The following CFAP100 variants were observed in gnomAD, a reference collection of about 807,000 sequenced individuals.
The protein encoded by CFAP100 is cilia- and flagella-associated protein 100.
Under a neutral mutation model 81.5 loss-of-function variants are expected in CFAP100, and 70 were observed. That is an observed-to-expected ratio of 0.86 (90% CI 0.71 to 1.05). CFAP100 has a LOEUF of 1.05. CFAP100 is among the 50% of genes least tolerant of loss of function. CFAP100 has a pLI of 0.00. For synonymous variants in CFAP100, 341 were observed against 314.8 expected, an observed-to-expected ratio of 1.08 and a Z score of -0.88; for missense variants, 811 against 776.5, an observed-to-expected ratio of 1.04 and a Z score of -0.53.
intron 14 of CFAP100, chr3:126,433,583 CCAGA>C (rs1459214862): frequency 9.1e-6 from 2 of 219,904 alleles, no homozygotes; most frequent in African/African-American, 4.6e-5. Flanking sequence ...AAGCCAGGAC[CCAGA>C]CAAAGGCTCA....
At chr3:126,416,574 C>G (rs1364202855) in intron 5 of CFAP100, 66 bp downstream of exon 5, 1 of 1,311,028 alleles carries the variant, frequency 7.6e-7, no homozygotes, top group Admixed American at 2.7e-5. Flanking sequence ...TCAGGGGGCG[C>G]GCCTGGAACC....
At chr3:126,419,002 G>A (rs1382439223) in intron 7 of CFAP100, 74 bp from the exon 8 acceptor site, 12 of 1,028,198 alleles carry the variant, frequency 1.2e-5, no homozygotes, top group East Asian at 5.2e-5. Context: ...TGTGGGTGGT[G>A]TGCTCACCCC....
rs1432911847 is a variant in CFAP100 at position 126,416,396 on chromosome 3, G to A, written c.306G>A (p.Leu102=). The change falls in exon 5 of 17, where the codon CTG becomes CTA. Residue 102 remains leucine, a synonymous_variant. Coordinates refer to ENST00000352312, the MANE Select transcript of CFAP100 (RefSeq NM_182628.3). The stretch of plus-strand genomic sequence containing the variant: ...AAGTGTCGGCTAAGCACACCAGCCT[G>A]CGGCGGCAGCTGCAGCTGGAGGACA... The part of the protein sequence containing the change: ...SSKVSAKHTS[L]RRQLQLEDKQ... 1 of 1,612,260 alleles carries A rather than the reference G, an allele frequency of 6.2e-7. No homozygotes were observed. The highest frequency in any genetic ancestry group is 8.5e-7 in the Non-Finnish European group (1 of 1,179,566).
At chr3:126,429,665 T>C (rs1576646866) in intron 13 of CFAP100, among the ~76,000 whole-genome samples, 2 of 152,152 alleles carry the variant, frequency 1.3e-5, no homozygotes, top group Admixed American at 1.3e-4. Context: ...TTGAGCATCT[T>C]ATAATAGTCT....
intron 2 of CFAP100, chr3:126,396,684 G>A (rs1456680290): frequency 1.3e-5 from 2 of 152,352 alleles, no homozygotes; most frequent in Non-Finnish European, 2.9e-5. Flanking sequence ...GTGAAGGTGA[G>A]CTTCTCTCAG....
chr3:126,406,374 T>A (rs1299238557), intron 2 of CFAP100, among the ~76,000 whole-genome samples: 3 of 151,896 alleles, frequency 2.0e-5, no homozygotes, highest in Admixed American at 6.6e-5. Flanking sequence ...ACACAGTCCC[T>A]CCCCCATCCC....
rs537887532 is a variant in CFAP100, at chr3:126,406,365, C to T, written c.50-807C>T. ...CGCTCAGTGTTTCACTCCGGGACCA[C>T]ACAGTCCCTCCCCCATCCCGCCCCA... On this transcript the variant is annotated intron_variant, in intron 2 of 16. Coordinates refer to ENST00000352312, the MANE Select transcript of CFAP100 (RefSeq NM_182628.3). Among the ~76,000 whole-genome samples the T allele has an allele frequency of 1.4e-4, 21 of 152,342 alleles. No individual in the cohort carries two copies. The South Asian group carries it at 3.3e-3, about 24-fold the overall frequency.
chr3:126,414,960 G>A (rs2083211375), intron 4 of CFAP100, among the ~76,000 whole-genome samples: 1 of 152,200 alleles, frequency 6.6e-6, no homozygotes, highest in African/African-American at 2.4e-5. Flanking sequence ...TGTAGGGCAT[G>A]GGTGGAGATG....
At chr3:126,408,242 T>C (rs922568259) in intron 3 of CFAP100, among the ~76,000 whole-genome samples, 1 of 152,134 alleles carries the variant, frequency 6.6e-6, no homozygotes, top group African/African-American at 2.4e-5. Context: ...TGTCATTTCA[T>C]CCACTTCAGC....
At chr3:126,397,590 G>A (rs533518064) in intron 2 of CFAP100, among the ~76,000 whole-genome samples, 3 of 152,312 alleles carry the variant, frequency 2.0e-5, no homozygotes, top group South Asian at 2.1e-4. Context: ...GTAATTCCTC[G>A]AGATTGATTG....
At chr3:126,396,398 T>C in intron 2 of CFAP100, 1 of 249,182 alleles carries the variant, frequency 4.0e-6, no homozygotes, top group Non-Finnish European at 7.7e-6. Context: ...TGGTGCTCTT[T>C]GGCTTGTAGA....
chr3:126,409,443 G>T (rs2083120726), intron 3 of CFAP100, among the ~76,000 whole-genome samples: 2 of 152,192 alleles, frequency 1.3e-5, no homozygotes, highest in African/African-American at 4.8e-5. Flanking sequence ...TCACTTTGGG[G>T]ACATAAGCAC....
chr3:126,406,541 G>C (rs1173954107), intron 2 of CFAP100, among the ~76,000 whole-genome samples: 1 of 152,228 alleles, frequency 6.6e-6, no homozygotes, highest in Non-Finnish European at 1.5e-5. Flanking sequence ...GTGGGTATCA[G>C]CACAGCAAGG....
At position 126,429,455 on chromosome 3, in the gene CFAP100, T is replaced by C. The variant is rs75244183; in HGVS notation, c.1287-3614T>C. Among the ~76,000 whole-genome samples, 991 of 152,288 alleles carry C rather than the reference T, an allele frequency of 6.5e-3. 11 individuals are homozygous for C. Among genetic ancestry groups the C allele is most frequent in the African/African-American group, 0.022 (921 of 41,554 alleles). On this transcript the variant is annotated intron_variant, in intron 13 of 16. Coordinates refer to ENST00000352312, the MANE Select transcript of CFAP100 (RefSeq NM_182628.3). ...TCTTGTGACAGTTTTTGACTTAAAGTCTATTTTGTCTATATTACTGCTGCC... is the reference window on the plus strand; with the variant it reads ...TCTTGTGACAGTTTTTGACTTAAAGCCTATTTTGTCTATATTACTGCTGCC...
Position 126,434,255 on chromosome 3 carries a change from T to C in CFAP100, c.1502T>C (p.Leu501Pro). 1 of 1,614,006 alleles carries C rather than the reference T, an allele frequency of 6.2e-7. No individual in the cohort carries two copies. The highest frequency in any genetic ancestry group is 8.5e-7 in the Non-Finnish European group (1 of 1,180,024). Residue 501 changes from leucine to proline, a missense_variant, in exon 15 of 17, where the codon CTG becomes CCG. Transcript: ENST00000352312. ...ACCGGCACCCAGCAGGAGGCCAACC[T>C]GGGCACCGTGCAGATGCTGACCATC... ...HCTGTQQEANLGTVQMLTIIE... is the reference protein window; with the variant it reads ...HCTGTQQEANPGTVQMLTIIE...
At chr3:126,395,670 C>A (rs1455988761) in intron 1 of CFAP100, among the ~76,000 whole-genome samples, 1 of 152,074 alleles carries the variant, frequency 6.6e-6, no homozygotes, top group Admixed American at 6.6e-5. Flanking sequence ...GCCCAGCACC[C>A]CCAGCTGGGT....
At chr3:126,413,722 C>A (rs1245579293) in intron 3 of CFAP100, among the ~76,000 whole-genome samples, 5 of 152,214 alleles carry the variant, frequency 3.3e-5, no homozygotes, top group Non-Finnish European at 5.9e-5. Flanking sequence ...TGTCAGCAGA[C>A]CCTGGTCACC....
In CFAP100 at chr3:126,410,198, C is replaced by T. The variant is rs555028033; in HGVS notation, c.130+2946C>T. Among the ~76,000 whole-genome samples the T allele has an allele frequency of 1.8e-4, 27 of 151,806 alleles. 1 individual carries two copies. In the South Asian group the frequency reaches 5.2e-3, roughly 29 times the overall value. ...TCTGGGCAAAAGAGCGAGACTCCGT[C>T]TCAAAAAAAAAAGTTCCTAAGTTTA... is the stretch of plus-strand genomic sequence containing the variant. On this transcript the variant is annotated intron_variant, in intron 3 of 16. Coordinates refer to ENST00000352312, the MANE Select transcript of CFAP100 (RefSeq NM_182628.3).
chr3:126,396,045 T>C lies in CFAP100; in HGVS notation c.45T>C (p.Asn15=), dbSNP rs945537713. Residue 15 remains asparagine, a synonymous_variant, in exon 2 of 17, where the codon AAT becomes AAC. Coordinates refer to ENST00000352312, the MANE Select transcript of CFAP100 (RefSeq NM_182628.3). Reference sequence around the variant, plus strand: ...CTATAGTCTCCAAGAACATGACCAATGACAGTAAGTACCGGGCCAGGGTGG... The same window carrying C: ...CTATAGTCTCCAAGAACATGACCAACGACAGTAAGTACCGGGCCAGGGTGG... ...PSTIVSKNMT[N]DKNSLESMNI... 6 of 1,613,658 alleles carry C rather than the reference T, an allele frequency of 3.7e-6. No individual in the cohort carries two copies. The African/African-American group carries it at 8.0e-5, about 22-fold the overall frequency.
Sources: gnomAD v4.1 joint callset for allele counts (sites outside exome capture counted in the v4.1 genomes callset) on GRCh38, gnomAD v4.1.1 for gene constraint, MANE v1.5 for transcripts, NCBI Gene and HGNC (gene_info 2026-07-23, HGNC 2026-07-21) for gene names.